The following SYN3 variants were observed in gnomAD, a reference collection of about 807,000 sequenced individuals.
The protein encoded by SYN3 is synapsin III.
A neutral mutation model predicts 65.8 loss-of-function variants in SYN3; 35 were observed. The observed-to-expected ratio is 0.53, with a 90% CI of 0.41 to 0.70. The LOEUF (loss-of-function observed/expected upper bound fraction) is 0.70, where lower values mean the gene tolerates loss of function less well. Ranked by LOEUF, SYN3 falls within the 30% of genes least tolerant of loss-of-function variation. The pLI is 0.00. For missense variants in SYN3, 680 were observed against 749.0 expected, an observed-to-expected ratio of 0.91 and a Z score of 1.08; for synonymous variants, 270 against 292.9, an observed-to-expected ratio of 0.92 and a Z score of 0.80.
rs558609200 is a variant in SYN3 at position 32,723,912 on chromosome 22, G to A, written c.712-127176C>T. Among the ~76,000 whole-genome samples, 47 of 152,302 alleles carry A rather than the reference G, an allele frequency of 3.1e-4. No homozygotes were observed. The East Asian group carries it at 5.2e-3, about 17-fold the overall frequency. ...GAACCTAGCCCTGGTGCTGCTGACCGTACGTGGCCATGTGACAGCAAATGC... is the reference window on the plus strand; with the variant it reads ...GAACCTAGCCCTGGTGCTGCTGACCATACGTGGCCATGTGACAGCAAATGC... On this transcript the variant is annotated intron_variant, in intron 6 of 13. Transcript: ENST00000358763.
At chr22:32,836,870 A>G (rs1484984237) in intron 6 of SYN3, among the ~76,000 whole-genome samples, 6 of 152,238 alleles carry the variant, frequency 3.9e-5, no homozygotes, top group South Asian at 2.1e-4. Context: ...TCTGTGCTGT[A>G]TAAAATCCAT....
At chr22:32,886,081 G>A (rs929190590) in intron 4 of SYN3, among the ~76,000 whole-genome samples, 2 of 152,190 alleles carry the variant, frequency 1.3e-5, no homozygotes, top group Non-Finnish European at 2.9e-5. Context: ...TTCATGGACA[G>A]CCATATGTTG....
chr22:32,917,679 C>G (rs1206405962), intron 4 of SYN3, among the ~76,000 whole-genome samples: 1 of 152,212 alleles, frequency 6.6e-6, no homozygotes, highest in South Asian at 2.1e-4. Flanking sequence ...CACAGTCTTT[C>G]CCATCCCCAG....
At chr22:32,977,774 C>T (rs537542000) in intron 3 of SYN3, among the ~76,000 whole-genome samples, 16 of 150,844 alleles carry the variant, frequency 1.1e-4, no homozygotes, top group Non-Finnish European at 1.3e-4. Flanking sequence ...GGTGACTTAT[C>T]GCCCCTGGAA....
At chr22:33,028,943 G>A (rs1405046059) in intron 1 of SYN3, among the ~76,000 whole-genome samples, 3 of 152,058 alleles carry the variant, frequency 2.0e-5, no homozygotes, top group African/African-American at 4.8e-5. Flanking sequence ...GGGAGGCTGA[G>A]GCAGGAGAAT....
At chr22:32,869,373 G>GTCTCTCTCTCTCTCT (rs1555990610) in intron 4 of SYN3, among the ~76,000 whole-genome samples, 3 of 42,466 alleles carry the variant, frequency 7.1e-5, no homozygotes, top group East Asian at 1.3e-3. Flanking sequence ...TCTCTCACAG[G>GTCTCTCTCTCTCTCT]CTCTTTCCTA....
intron 6 of SYN3, among the ~76,000 whole-genome samples, chr22:32,812,049 TTCA>T (rs1204644460): frequency 6.6e-6 from 1 of 152,180 alleles, no homozygotes; most frequent in Non-Finnish European, 1.5e-5. Context: ...CTAGTCCTAG[TTCA>T]TCATCTGACT....
intron 6 of SYN3, among the ~76,000 whole-genome samples, chr22:32,798,733 C>G (rs2046489323): frequency 6.9e-6 from 1 of 144,474 alleles, no homozygotes; most frequent in African/African-American, 2.6e-5. Flanking sequence ...ACTCCATCAC[C>G]TAGGCTAGAG....
intron 6 of SYN3, among the ~76,000 whole-genome samples, chr22:32,737,453 C>T (rs1314226722): frequency 6.6e-6 from 1 of 152,108 alleles, no homozygotes; most frequent in Non-Finnish European, 1.5e-5. Flanking sequence ...TCTCCTAATG[C>T]TATCCCTCCC....
chr22:32,780,465 C>G (rs577531551), intron 6 of SYN3, among the ~76,000 whole-genome samples: 1 of 152,228 alleles, frequency 6.6e-6, no homozygotes, highest in East Asian at 1.9e-4. Context: ...CTCTGCAGCC[C>G]TTGGTATTTT....
chr22:33,053,933 T>C (rs1359724644), intron 1 of SYN3, among the ~76,000 whole-genome samples: 3 of 152,178 alleles, frequency 2.0e-5, no homozygotes, highest in Admixed American at 1.3e-4. Context: ...AGAAAGTGTT[T>C]GCCGAAGTTC....
chr22:32,710,429 G>A (rs1261640273), intron 6 of SYN3, among the ~76,000 whole-genome samples: 1 of 151,466 alleles, frequency 6.6e-6, no homozygotes, highest in Non-Finnish European at 1.5e-5. Flanking sequence ...TCAGGAGTTC[G>A]AGACCAGCCT....
At chr22:32,612,607 C>G (rs916532437) in intron 6 of SYN3, among the ~76,000 whole-genome samples, 7 of 152,040 alleles carry the variant, frequency 4.6e-5, no homozygotes, top group Admixed American at 2.0e-4. Flanking sequence ...TTTGGGAGGT[C>G]AAGGCAGGAG....
At chr22:32,677,801 G>A (rs1004189487) in intron 6 of SYN3, among the ~76,000 whole-genome samples, 3 of 148,758 alleles carry the variant, frequency 2.0e-5, no homozygotes, top group South Asian at 2.2e-4. Context: ...ACTCCTTCTC[G>A]GAAAAAAAAA....
At chr22:32,719,365 A>G (rs2061084005) in intron 6 of SYN3, among the ~76,000 whole-genome samples, 3 of 152,334 alleles carry the variant, frequency 2.0e-5, no homozygotes, top group Middle Eastern at 6.8e-3. Flanking sequence ...ACCTTTGATA[A>G]ACGAATACTG....
At chr22:32,635,524 G>T (rs1236269209) in intron 6 of SYN3, among the ~76,000 whole-genome samples, 4 of 152,212 alleles carry the variant, frequency 2.6e-5, no homozygotes, top group African/African-American at 9.7e-5. Flanking sequence ...CCAGATATTT[G>T]AAATAGGGAC....
chr22:32,891,225 G>T (rs1309228838), intron 4 of SYN3, among the ~76,000 whole-genome samples: 3 of 152,148 alleles, frequency 2.0e-5, no homozygotes, highest in African/African-American at 7.2e-5. Context: ...CCATCTGGGG[G>T]GGTCAATTTT....
intron 5 of SYN3, among the ~76,000 whole-genome samples, chr22:32,866,657 G>C (rs1364719789): frequency 6.6e-6 from 1 of 152,084 alleles, no homozygotes; most frequent in Non-Finnish European, 1.5e-5. Flanking sequence ...TGCTACTATC[G>C]TGATAACTGT....
intron 3 of SYN3, among the ~76,000 whole-genome samples, chr22:32,946,458 C>T (rs1282094426): frequency 5.3e-5 from 8 of 150,798 alleles, no homozygotes; most frequent in Non-Finnish European, 7.4e-5. Context: ...AACCAAACAC[C>T]GCATGTTCTC....
Sources: allele counts gnomAD v4.1 joint callset (sites outside exome capture counted in the v4.1 genomes callset), GRCh38; gene constraint gnomAD v4.1.1; transcripts MANE v1.5; gene names NCBI Gene and HGNC (gene_info 2026-07-23, HGNC 2026-07-21).